The following ASTN2 variants were observed in gnomAD, a reference collection of about 807,000 sequenced individuals.
ASTN2 encodes astrotactin 2, also known as astrotactin-2.
Under a neutral mutation model 139.8 loss-of-function variants are expected in ASTN2, and 54 were observed. The observed-to-expected ratio is 0.39, with a 90% CI of 0.31 to 0.48. The LOEUF (loss-of-function observed/expected upper bound fraction) is 0.48, where lower values mean the gene tolerates loss of function less well. Ranked by LOEUF, ASTN2 falls within the 20% of genes least tolerant of loss-of-function variation. The pLI is 0.95. For synonymous variants in ASTN2, 756 were observed against 719.5 expected (o/e 1.05, Z -0.81); for missense variants, 1,565 against 1,725.1 (o/e 0.91, Z 1.64).
chr9:116,457,436 G>C (rs1168851653), intron 20 of ASTN2, among the ~76,000 whole-genome samples: 1 of 152,132 alleles, frequency 6.6e-6, no homozygotes, highest in Non-Finnish European at 1.5e-5. Flanking sequence ...GAAAATATTT[G>C]CAAGCTATCC....
At chr9:117,381,181 T>C (rs1397529876) in intron 1 of ASTN2, among the ~76,000 whole-genome samples, 2 of 152,036 alleles carry the variant, frequency 1.3e-5, no homozygotes, top group African/African-American at 4.8e-5. Context: ...ATGTCCAGAA[T>C]AGGAAAATTT....
chr9:117,111,209 A>C (rs1322072977), intron 4 of ASTN2, among the ~76,000 whole-genome samples: 1 of 152,204 alleles, frequency 6.6e-6, no homozygotes, highest in Non-Finnish European at 1.5e-5. Context: ...TAAACCAGGC[A>C]AGTTTCATTC....
chr9:117,241,930 CCCCACACA>C (rs1007710674), intron 2 of ASTN2, among the ~76,000 whole-genome samples: 1 of 150,422 alleles, frequency 6.6e-6, no homozygotes, highest in African/African-American at 2.5e-5. Context: ...AGTTACCCCC[CCCCACACA>C]CACACACACC....
At chr9:117,374,855 C>G (rs1331318444) in intron 1 of ASTN2, among the ~76,000 whole-genome samples, 2 of 152,100 alleles carry the variant, frequency 1.3e-5, no homozygotes, top group Non-Finnish European at 2.9e-5. Flanking sequence ...CCAGGTTGAC[C>G]AGAAGCCTGA....
At chr9:117,113,654 C>T (rs1486977949) in intron 4 of ASTN2, among the ~76,000 whole-genome samples, 2 of 142,252 alleles carry the variant, frequency 1.4e-5, no homozygotes, top group African/African-American at 5.5e-5. Flanking sequence ...AAAACTTCGT[C>T]TCAAAAAACA....
chr9:116,527,807 TA>T (rs1340837111), intron 19 of ASTN2, among the ~76,000 whole-genome samples: 5 of 152,074 alleles, frequency 3.3e-5, no homozygotes, highest in African/African-American at 1.2e-4. Flanking sequence ...TCTGATGGTT[TA>T]AAAGTGTGGC....
chr9:117,265,440 A>G (rs1833918934), intron 2 of ASTN2, among the ~76,000 whole-genome samples: 1 of 152,192 alleles, frequency 6.6e-6, no homozygotes, highest in Non-Finnish European at 1.5e-5. Context: ...TTCCCCAGGC[A>G]TGGGCAGAGG....
Position 116,699,781 on chromosome 9 carries a change from G to A in ASTN2, c.2806+25990C>T, listed in dbSNP as rs1861082104. Reference sequence around the variant, plus strand: ...TAGTTCTTGGTTGTTAGTGGCACATGCAGAATAGACTCAGCCTATGTCCTG... The same window carrying A: ...TAGTTCTTGGTTGTTAGTGGCACATACAGAATAGACTCAGCCTATGTCCTG... On this transcript the variant is annotated intron_variant, in intron 16 of 22. Transcript: ENST00000313400. This position sits in a 1 kb window ranked among gnomAD's most constrained non-coding sequence, Gnocchi z 4.2. The A allele has an allele frequency of 7.5e-6, 12 of 1,595,174 alleles. No individual in the cohort carries two copies. Among genetic ancestry groups the A allele is most frequent in the Admixed American group, 1.7e-5 (1 of 59,574 alleles).
Position 117,023,723 on chromosome 9 carries a change from G to A in ASTN2, c.1424-15464C>T, listed in dbSNP as rs187119082. Among the ~76,000 whole-genome samples the A allele has an allele frequency of 1.5e-3, 235 of 152,140 alleles. 1 individual carries two copies. Among genetic ancestry groups the A allele is most frequent in the South Asian group, 2.5e-3 (12 of 4,816 alleles). Reference sequence around the variant, plus strand: ...AATAAATTCTGTAAAGATTAAAAAAGGTATTATAGGTAGAATACCTAGCAT... The same window carrying A: ...AATAAATTCTGTAAAGATTAAAAAAAGTATTATAGGTAGAATACCTAGCAT... On this transcript the variant is annotated intron_variant, in intron 6 of 22. Coordinates refer to ENST00000313400, the MANE Select transcript of ASTN2 (RefSeq NM_001365068.1).
At chr9:117,283,321 T>C (rs1406954925) in intron 2 of ASTN2, among the ~76,000 whole-genome samples, 1 of 152,192 alleles carries the variant, frequency 6.6e-6, no homozygotes, top group Non-Finnish European at 1.5e-5. Context: ...AGTGAAACCA[T>C]GTTGTTGAAG....
chr9:117,220,941 C>T (rs972836401), intron 2 of ASTN2, among the ~76,000 whole-genome samples: 3 of 152,286 alleles, frequency 2.0e-5, no homozygotes, highest in African/African-American at 4.8e-5. Flanking sequence ...AGTCCTCTGG[C>T]TGTTGTTATC....
intron 20 of ASTN2, among the ~76,000 whole-genome samples, chr9:116,450,302 A>C (rs1005641783): frequency 6.7e-6 from 1 of 149,572 alleles, no homozygotes; most frequent in Non-Finnish European, 1.5e-5. Flanking sequence ...AATATTTACT[A>C]TCTGGACCTC....
intron 19 of ASTN2, among the ~76,000 whole-genome samples, chr9:116,561,151 G>A (rs769729630): frequency 4.7e-4 from 71 of 152,098 alleles, no homozygotes; most frequent in Non-Finnish European, 7.8e-4. Flanking sequence ...AGCACAAATC[G>A]TCCAAACACT....
intron 2 of ASTN2, among the ~76,000 whole-genome samples, chr9:117,254,594 C>T (rs571922028): frequency 1.3e-5 from 2 of 152,268 alleles, no homozygotes; most frequent in South Asian, 4.1e-4. Flanking sequence ...CAGTTGACTA[C>T]CATAACATAA....
chr9:117,354,145 G>A (rs1829468962), intron 1 of ASTN2, among the ~76,000 whole-genome samples: 1 of 152,140 alleles, frequency 6.6e-6, no homozygotes. Flanking sequence ...GTGGGGAAGG[G>A]CGGAAGGTAC....
intron 13 of ASTN2, among the ~76,000 whole-genome samples, chr9:116,791,991 T>C (rs1830573091): frequency 6.6e-6 from 1 of 152,194 alleles, no homozygotes; most frequent in Non-Finnish European, 1.5e-5. Context: ...ATTTGAAATA[T>C]ACTCTGTATA....
chr9:117,112,832 C>T (rs546927608), intron 4 of ASTN2, among the ~76,000 whole-genome samples: 142 of 152,076 alleles, frequency 9.3e-4, no homozygotes, highest in Middle Eastern at 6.8e-3. Context: ...GCTACATAAT[C>T]GGGGAAAATA....
At chr9:116,931,157 T>C (rs569645005) in intron 10 of ASTN2, among the ~76,000 whole-genome samples, 1 of 152,336 alleles carries the variant, frequency 6.6e-6, no homozygotes, top group East Asian at 1.9e-4. Context: ...TGCTGTGACG[T>C]ACCTGGCAGG....
At chr9:116,736,260 T>C (rs1429460530) in intron 13 of ASTN2, among the ~76,000 whole-genome samples, 1 of 152,248 alleles carries the variant, frequency 6.6e-6, no homozygotes, top group African/African-American at 2.4e-5. Flanking sequence ...TACTTTATTA[T>C]GTACTAAAAA....
Sources: allele counts gnomAD v4.1 joint callset (sites outside exome capture counted in the v4.1 genomes callset), GRCh38; gene constraint gnomAD v4.1.1; non-coding constraint Gnocchi (gnomAD v3.1); transcripts MANE v1.5; gene names NCBI Gene and HGNC (gene_info 2026-07-23, HGNC 2026-07-21).